The following HSD17B14 variants were observed in gnomAD, a reference collection of about 807,000 sequenced individuals.
HSD17B14 encodes the protein hydroxysteroid 17-beta dehydrogenase 14.
Under a neutral mutation model 32.2 loss-of-function variants are expected in HSD17B14, and 32 were observed. That is an observed-to-expected ratio of 0.99 (90% CI 0.75 to 1.33). HSD17B14 has a LOEUF of 1.33. Among genes scored for constraint, HSD17B14 ranks in the 40% most tolerant of loss-of-function variants. The pLI is 0.00. For synonymous variants in HSD17B14, 140 were observed against 155.4 expected (o/e 0.90, Z 0.74); for missense variants, 370 against 366.5 (o/e 1.01, Z -0.08).
chr19:48,813,210 T>C lies in HSD17B14; in HGVS notation c.778A>G (p.Ser260Gly). 6.2e-7 allele frequency: 1 copy of C among 1,608,292 alleles called. No individual in the cohort carries two copies. Among genetic ancestry groups the C allele is most frequent in the African/African-American group, 1.3e-5 (1 of 74,864 alleles). Residue 260 changes from serine (S) to glycine (G), a missense_variant, in exon 9 of 9, where the codon AGC (serine) becomes GGC (glycine). By Grantham distance (56) the Ser-to-Gly change is moderately conservative. Coordinates refer to ENST00000263278, the MANE Select transcript of HSD17B14 (RefSeq NM_016246.3). ...ATATCGGGGGCGTCCACGGGGGTGC[T>C]CCGACTGGCCTTGCACCCGTACCCC... ...ELGYGCKASR[S>G]TPVDAPDIPS
chr19:48,821,245 C>A (rs2035143525), intron 5 of HSD17B14, among the ~76,000 whole-genome samples: 1 of 152,070 alleles, frequency 6.6e-6, no homozygotes, highest in Non-Finnish European at 1.5e-5. Flanking sequence ...GATCTCCCGA[C>A]CTCGTGATCC....
At chr19:48,826,061 C>A (rs1245586036) in intron 5 of HSD17B14, among the ~76,000 whole-genome samples, 1 of 151,606 alleles carries the variant, frequency 6.6e-6, no homozygotes, top group Admixed American at 6.6e-5. Flanking sequence ...ACCTCGGGAT[C>A]CGCCCGCCTC....
intron 5 of HSD17B14, among the ~76,000 whole-genome samples, chr19:48,828,145 C>T (rs895386650): frequency 2.0e-5 from 3 of 152,292 alleles, no homozygotes; most frequent in East Asian, 3.9e-4. Context: ...TGAGGTGCCG[C>T]GCCCGGCCAA....
At chr19:48,814,208 GAAAAGAA>G (rs1231285872) in intron 6 of HSD17B14, among the ~76,000 whole-genome samples, 2 of 98,314 alleles carry the variant, frequency 2.0e-5, no homozygotes, top group Non-Finnish European at 2.1e-5. Context: ...AAAAAAAGAA[GAAAAGAA>G]AAGAAAAGAA....
Position 48,822,114 on chromosome 19 carries a change from G to A in HSD17B14, c.370-6973C>T, listed in dbSNP as rs1013348619. On this transcript the variant is annotated intron_variant, in intron 5 of 8. Coordinates refer to ENST00000263278, the MANE Select transcript of HSD17B14 (RefSeq NM_016246.3). Reference sequence around the variant, plus strand: ...TGATGGTGGTGATGATGGTGGCAATGATGGTGATGCTGATGTTGATGGTGA... The same window carrying A: ...TGATGGTGGTGATGATGGTGGCAATAATGGTGATGCTGATGTTGATGGTGA... Among the ~76,000 whole-genome samples, 6 of 144,984 alleles carry A rather than the reference G, an allele frequency of 4.1e-5. No individual in the cohort carries two copies. The Admixed American group carries it at 4.4e-4, about 11-fold the overall frequency.
intron 4 of HSD17B14, 137 bp downstream of exon 4, chr19:48,832,529 A>G: frequency 1.3e-6 from 1 of 773,952 alleles, no homozygotes; most frequent in East Asian, 2.7e-5. Flanking sequence ...CCATTGCTTT[A>G]CTCTCCTGTC....
At chr19:48,831,989 A>G (rs1206204856) in intron 4 of HSD17B14, among the ~76,000 whole-genome samples, 1 of 149,818 alleles carries the variant, frequency 6.7e-6, no homozygotes, top group Non-Finnish European at 1.5e-5. Context: ...GAGGCAGGAG[A>G]ATTGCTTGAA....
At chr19:48,834,823 G>A (rs1275605303) in intron 2 of HSD17B14, among the ~76,000 whole-genome samples, 30 of 71,872 alleles carry the variant, frequency 4.2e-4, no homozygotes, top group South Asian at 6.6e-4. Flanking sequence ...GAGGGGCTGG[G>A]GGCCTGGACT....
chr19:48,831,915 G>A (rs1407154013), intron 4 of HSD17B14, among the ~76,000 whole-genome samples, 156 bp from the exon 5 acceptor site: 1 of 150,850 alleles, frequency 6.6e-6, no homozygotes. Flanking sequence ...CTGTCTCTAC[G>A]AAAAATACAA....
intron 2 of HSD17B14, among the ~76,000 whole-genome samples, chr19:48,835,376 G>T (rs2035470691): frequency 8.2e-6 from 1 of 122,484 alleles, no homozygotes; most frequent in South Asian, 3.1e-4. Context: ...AGGGGCTGAG[G>T]TCTGGACTCC....
intron 5 of HSD17B14, among the ~76,000 whole-genome samples, chr19:48,817,002 ATTTTTTTTTTT>A (rs758061335): frequency 1.0e-5 from 1 of 97,590 alleles, no homozygotes; most frequent in Non-Finnish European, 2.0e-5. Flanking sequence ...CACCAGGATA[ATTTTTTTTTTT>A]TTTTTTTTTT....
At position 48,821,847 on chromosome 19, in the gene HSD17B14, GGAT is replaced by G. The variant is rs552848153; in HGVS notation, c.370-6709_370-6707del. ...ATGGTGAAGATGGTGATGATGGTGA[GGAT>G]GATGATGATAATGATAGTGATGATC... On this transcript the variant is annotated intron_variant, in intron 5 of 8. Coordinates refer to ENST00000263278, the MANE Select transcript of HSD17B14 (RefSeq NM_016246.3). 1.5e-3 allele frequency among the ~76,000 whole-genome samples: 223 copies of G among 150,760 alleles called. 1 individual carries two copies. The highest frequency in any genetic ancestry group is 4.5e-3 in the African/African-American group (184 of 41,052).
intron 3 of HSD17B14, 96 bp downstream of exon 3, chr19:48,834,180 A>C: frequency 2.0e-6 from 2 of 980,120 alleles, no homozygotes; most frequent in Non-Finnish European, 3.2e-6. Context: ...CAGGAGAGGA[A>C]GGAAAAGTAG....
chr19:48,816,607 A>G (rs1466187677), intron 5 of HSD17B14, among the ~76,000 whole-genome samples: 3 of 151,694 alleles, frequency 2.0e-5, no homozygotes, highest in Non-Finnish European at 4.4e-5. Flanking sequence ...GCTCCCTCAA[A>G]CCCTGATCCG....
intron 5 of HSD17B14, 152 bp downstream of exon 5, chr19:48,831,516 G>T: frequency 1.5e-6 from 1 of 655,476 alleles, no homozygotes; most frequent in Non-Finnish European, 2.8e-6. Context: ...TCACACCACT[G>T]TCCTCCAGCC....
intron 3 of HSD17B14, among the ~76,000 whole-genome samples, chr19:48,833,826 T>TAA (rs55633542): frequency 9.1e-6 from 1 of 110,366 alleles, no homozygotes; most frequent in Non-Finnish European, 1.9e-5. Flanking sequence ...AACTCTGTCT[T>TAA]AAAAAAAAAA....
At chr19:48,823,411 A>G (rs1330228804) in intron 5 of HSD17B14, among the ~76,000 whole-genome samples, 1 of 151,738 alleles carries the variant, frequency 6.6e-6, no homozygotes, top group Non-Finnish European at 1.5e-5. Flanking sequence ...CACTATCTCA[A>G]AATAATAATA....
chr19:48,834,596 C>G (rs1483531477), intron 2 of HSD17B14, among the ~76,000 whole-genome samples: 2 of 42,220 alleles, frequency 4.7e-5, no homozygotes, highest in Admixed American at 2.2e-4. Flanking sequence ...GGAAGTAGGG[C>G]CTGGGGGCCT....
In HSD17B14 at chr19:48,813,265, A is replaced by G; in HGVS notation, c.723T>C (p.Ile241=). ...CTGCACCCCCCGTCACGAGCAGTTC[A>G]ATGCCCGTGCAGAAGTTGGCTTCGG... ...LASEANFCTG[I]ELLVTGGAEL... Residue 241 remains isoleucine, a synonymous_variant, in exon 9 of 9, where the codon ATT becomes ATC. Coordinates refer to ENST00000263278, the MANE Select transcript of HSD17B14 (RefSeq NM_016246.3). 1 of 1,607,730 alleles carries G rather than the reference A, an allele frequency of 6.2e-7. No homozygotes were observed. Among genetic ancestry groups the G allele is most frequent in the Non-Finnish European group, 8.5e-7 (1 of 1,177,268 alleles).
Sources: gnomAD v4.1 joint callset for allele counts (sites outside exome capture counted in the v4.1 genomes callset) on GRCh38, gnomAD v4.1.1 for gene constraint, MANE v1.5 for transcripts, NCBI Gene and HGNC (gene_info 2026-07-23, HGNC 2026-07-21) for gene names.